Variants in FARS2 observed in about 807,000 individuals in gnomAD.
FARS2 encodes phenylalanine--tRNA ligase, mitochondrial.
In FARS2, 40 loss-of-function variants were observed where a neutral mutation model predicts 46.4. That is an observed-to-expected ratio of 0.86 (90% confidence interval 0.67 to 1.12). FARS2 has a LOEUF of 1.12. Among genes scored for constraint, FARS2 ranks in the 50% most tolerant of loss-of-function variants. The pLI is 0.00. For synonymous variants in FARS2, 234 were observed against 214.9 expected (o/e 1.09, Z -0.78); for missense variants, 513 against 567.9 (o/e 0.90, Z 0.98).
intron 3 of FARS2, among the ~76,000 whole-genome samples, chr6:5,414,817 T>TG (rs984989534): frequency 6.6e-5 from 9 of 136,342 alleles, no homozygotes; most frequent in African/African-American, 2.2e-4. Flanking sequence ...GACTGTTTTT[T>TG]TTTTTTTTTT....
intron 2 of FARS2, among the ~76,000 whole-genome samples, chr6:5,394,404 CT>C (rs1760767193): frequency 6.6e-6 from 1 of 152,146 alleles, no homozygotes. Context: ...ATAGGCTATA[CT>C]TCATAGCCTA....
At chr6:5,701,505 C>T (rs1758434605) in intron 6 of FARS2, among the ~76,000 whole-genome samples, 1 of 152,218 alleles carries the variant, frequency 6.6e-6, no homozygotes, top group African/African-American at 2.4e-5. Context: ...AGGACTCACA[C>T]ACAACAGTGA....
intron 4 of FARS2, among the ~76,000 whole-genome samples, chr6:5,501,069 A>T (rs1767771879): frequency 6.6e-6 from 1 of 152,040 alleles, no homozygotes; most frequent in African/African-American, 2.4e-5. Context: ...AGAAAACTGG[A>T]CTGTGCTTAT....
At chr6:5,770,005 C>T (rs1762952438) in intron 6 of FARS2, among the ~76,000 whole-genome samples, 1 of 152,174 alleles carries the variant, frequency 6.6e-6, no homozygotes, top group African/African-American at 2.4e-5. Flanking sequence ...GGCAGACTCT[C>T]ATGCACCAGG....
At chr6:5,481,937 T>C (rs1291335328) in intron 4 of FARS2, among the ~76,000 whole-genome samples, 1 of 152,188 alleles carries the variant, frequency 6.6e-6, no homozygotes, top group African/African-American at 2.4e-5. Flanking sequence ...TTGAGGACTG[T>C]CCTCGTAAGT....
intron 1 of FARS2, among the ~76,000 whole-genome samples, chr6:5,305,704 C>G (rs1768650643): frequency 6.6e-6 from 1 of 152,210 alleles, no homozygotes; most frequent in Non-Finnish European, 1.5e-5. Context: ...GTCCTTTCCT[C>G]TACACCTTGT....
chr6:5,438,797 T>G (rs888022550), intron 4 of FARS2, among the ~76,000 whole-genome samples: 19 of 152,332 alleles, frequency 1.2e-4, no homozygotes, highest in African/African-American at 4.6e-4. Context: ...TTAATGGGCA[T>G]CATGTCCATG....
intron 6 of FARS2, among the ~76,000 whole-genome samples, chr6:5,668,686 G>GTTTTTTTTTTTTTTTTTTTTT: frequency 1.9e-5 from 1 of 53,404 alleles, no homozygotes; most frequent in Non-Finnish European, 3.5e-5. Flanking sequence ...GTGTGTTTGG[G>GTTTTTTTTTTTTTTTTTTTTT]TTTTTTTTTT....
intron 1 of FARS2, among the ~76,000 whole-genome samples, chr6:5,307,887 A>C (rs1768827056): frequency 6.6e-6 from 1 of 152,010 alleles, no homozygotes; most frequent in Admixed American, 6.6e-5. Flanking sequence ...GCGGAAAAGC[A>C]CTTACTTACA....
chr6:5,291,899 C>A (rs1767531982), intron 1 of FARS2, among the ~76,000 whole-genome samples: 1 of 152,010 alleles, frequency 6.6e-6, no homozygotes, highest in South Asian at 2.1e-4. Context: ...TTTTATTACT[C>A]CAAAGAGTGC....
intron 1 of FARS2, among the ~76,000 whole-genome samples, chr6:5,284,537 T>C (rs927724169): frequency 1.4e-4 from 22 of 152,156 alleles, no homozygotes; most frequent in Non-Finnish European, 3.1e-4. Flanking sequence ...TTTGTTAACA[T>C]TTTATTTGAG....
intron 6 of FARS2, among the ~76,000 whole-genome samples, chr6:5,688,253 G>A (rs541648008): frequency 6.6e-6 from 1 of 152,154 alleles, no homozygotes; most frequent in Non-Finnish European, 1.5e-5. Context: ...TAGGAGTGGT[G>A]GGAGAGGGCA....
chr6:5,284,492 G>C (rs1197117124), intron 1 of FARS2, among the ~76,000 whole-genome samples: 1 of 152,192 alleles, frequency 6.6e-6, no homozygotes, highest in Non-Finnish European at 1.5e-5. Flanking sequence ...TGCTCTGGCT[G>C]TCGTGCAGTG....
At chr6:5,416,798 T>A (rs963528180) in intron 3 of FARS2, among the ~76,000 whole-genome samples, 2 of 152,168 alleles carry the variant, frequency 1.3e-5, no homozygotes, top group Non-Finnish European at 2.9e-5. Context: ...AGCAGTTGCT[T>A]TAGGATTTAC....
chr6:5,396,542 C>T (rs1050613189), intron 2 of FARS2, among the ~76,000 whole-genome samples: 5 of 152,086 alleles, frequency 3.3e-5, no homozygotes, highest in Admixed American at 1.3e-4. Flanking sequence ...AATCAAGTTC[C>T]GGAAACTTCC....
intron 6 of FARS2, among the ~76,000 whole-genome samples, chr6:5,730,444 T>G (rs1760548895): frequency 6.6e-6 from 1 of 152,168 alleles, no homozygotes; most frequent in Non-Finnish European, 1.5e-5. Flanking sequence ...GGAAAATGTT[T>G]TGGTCACAGG....
chr6:5,649,721 G>T (rs1455695868), intron 6 of FARS2, among the ~76,000 whole-genome samples: 1 of 152,204 alleles, frequency 6.6e-6, no homozygotes, highest in East Asian at 1.9e-4. Flanking sequence ...CACACAAGTA[G>T]GTAAGTGGCA....
At chr6:5,493,377 A>C (rs1015367879) in intron 4 of FARS2, among the ~76,000 whole-genome samples, 11 of 152,196 alleles carry the variant, frequency 7.2e-5, no homozygotes, top group Non-Finnish European at 1.2e-4. Flanking sequence ...CTCTTAGTAC[A>C]GTGCTCAGTG....
intron 6 of FARS2, among the ~76,000 whole-genome samples, chr6:5,735,005 T>G (rs1760864013): frequency 6.6e-6 from 1 of 152,212 alleles, no homozygotes; most frequent in Non-Finnish European, 1.5e-5. Flanking sequence ...TCTAGAAGAT[T>G]CACTCCGCGT....
Sources: gnomAD v4.1 joint callset for allele counts (sites outside exome capture counted in the v4.1 genomes callset) on GRCh38, gnomAD v4.1.1 for gene constraint, MANE v1.5 for transcripts, NCBI Gene and HGNC (gene_info 2026-07-23, HGNC 2026-07-21) for gene names.